Variants in EPHA4 observed in about 807,000 individuals in gnomAD.
The protein encoded by EPHA4 is EPH receptor A4, also known as ephrin type-A receptor 4.
A neutral mutation model predicts 108.3 loss-of-function variants in EPHA4; 19 were observed. The observed-to-expected ratio is 0.18, with a 90% CI of 0.12 to 0.26. The LOEUF (loss-of-function observed/expected upper bound fraction) is 0.26, where lower values mean the gene tolerates loss of function less well. Among genes scored for constraint, EPHA4 ranks in the 10% least tolerant of loss-of-function variants. EPHA4 has a pLI of 1.00. For synonymous variants in EPHA4, 449 were observed against 455.5 expected (o/e 0.99, Z 0.18); for missense variants, 917 against 1,254.0 (o/e 0.73, Z 4.06).
chr2:221,532,593 C>A (rs1693552965), intron 3 of EPHA4: 1 of 152,154 alleles, frequency 6.6e-6, no homozygotes. Context: ...CTTAAGGAAC[C>A]AACATTTTAG....
At chr2:221,426,802 G>A (rs1309968145) in intron 15 of EPHA4, among the ~76,000 whole-genome samples, 183 bp from the exon 16 acceptor site, 1 of 152,222 alleles carries the variant, frequency 6.6e-6, no homozygotes, top group Non-Finnish European at 1.5e-5. Flanking sequence ...AGCTGCTAAA[G>A]CATGTATCAA....
intron 3 of EPHA4, among the ~76,000 whole-genome samples, chr2:221,515,269 A>G (rs570102491): frequency 6.6e-6 from 1 of 152,056 alleles, no homozygotes; most frequent in African/African-American, 2.4e-5. Context: ...CTAATTTTGT[A>G]TTTTTAGTAG....
intron 3 of EPHA4, among the ~76,000 whole-genome samples, chr2:221,510,772 G>A (rs1017963776): frequency 1.3e-5 from 2 of 152,180 alleles, no homozygotes; most frequent in Non-Finnish European, 2.9e-5. Flanking sequence ...CTTGCCTTTA[G>A]AACAGATCAT....
intron 3 of EPHA4, among the ~76,000 whole-genome samples, chr2:221,502,060 C>A (rs1230348978): frequency 1.3e-5 from 2 of 152,066 alleles, no homozygotes; most frequent in Non-Finnish European, 2.9e-5. Context: ...CACCTGACAT[C>A]CTTTCCATGA....
At chr2:221,427,386 T>C (rs962789215) in intron 15 of EPHA4, among the ~76,000 whole-genome samples, 1 of 152,220 alleles carries the variant, frequency 6.6e-6, no homozygotes, top group Non-Finnish European at 1.5e-5. Context: ...TTCTATTAGG[T>C]CACTGTCACA....
At chr2:221,499,733 TA>T (rs1692416944) in intron 4 of EPHA4, among the ~76,000 whole-genome samples, 1 of 46,718 alleles carries the variant, frequency 2.1e-5, no homozygotes, top group African/African-American at 1.2e-4. Flanking sequence ...TATATATATA[TA>T]TATATATATA....
At chr2:221,547,533 G>T (rs1392791499) in intron 3 of EPHA4, among the ~76,000 whole-genome samples, 2 of 152,154 alleles carry the variant, frequency 1.3e-5, no homozygotes, top group Non-Finnish European at 2.9e-5. Flanking sequence ...CTTTGACAAG[G>T]TCTCCAGCCT....
intron 3 of EPHA4, among the ~76,000 whole-genome samples, chr2:221,542,854 T>C (rs1379680485): frequency 6.6e-6 from 1 of 152,204 alleles, no homozygotes; most frequent in African/African-American, 2.4e-5. Context: ...ATTGATTTTT[T>C]AGAATGAAAA....
chr2:221,460,227 A>T, intron 5 of EPHA4, among the ~76,000 whole-genome samples: 1 of 152,212 alleles, frequency 6.6e-6, no homozygotes, highest in East Asian at 1.9e-4. Flanking sequence ...ACCTTGACAC[A>T]GCTGTCATAA....
chr2:221,512,689 C>T (rs10498115), intron 3 of EPHA4, among the ~76,000 whole-genome samples: 15,327 of 152,246 alleles, frequency 0.1, 1,005 homozygotes, highest in Non-Finnish European at 0.13. Context: ...CGGGTCTATG[C>T]AGATTAGCGT....
At chr2:221,535,627 CT>C (rs55800139) in intron 3 of EPHA4, among the ~76,000 whole-genome samples, 16,606 of 152,078 alleles carry the variant, frequency 0.11, 1,103 homozygotes, top group East Asian at 0.15. Flanking sequence ...TTATTTTCTC[CT>C]TTTGTTCAAA....
chr2:221,559,145 C>T (rs192500681), intron 3 of EPHA4, among the ~76,000 whole-genome samples: 18 of 152,232 alleles, frequency 1.2e-4, no homozygotes, highest in African/African-American at 3.1e-4. Context: ...GCTTTTAATA[C>T]GATACCTTTT....
At position 221,418,872 on chromosome 2, in the gene EPHA4, T is replaced by G. The variant is rs1055958167; in HGVS notation, c.*2500A>C. ...AGTCAACCTCATTTCTTTATACATA[T>G]TTTTCAGGCATCAATGCATAGGCAC... On this transcript the variant is annotated 3_prime_UTR_variant, in exon 18 of 18. Coordinates refer to ENST00000281821, the MANE Select transcript of EPHA4 (RefSeq NM_004438.5). 6.6e-6 allele frequency: 1 copy of G among 152,614 alleles called. No homozygotes were observed. The highest frequency in any genetic ancestry group is 1.5e-5 in the Non-Finnish European group (1 of 68,048). The allele number at this position is 152,614 out of a possible 1,614,324, so 9.5% of individuals were successfully genotyped here. A position where few individuals can be genotyped will look rare whatever the true frequency, so the allele number is the denominator to read the frequency against.
At chr2:221,514,557 C>T (rs1692934623) in intron 3 of EPHA4, among the ~76,000 whole-genome samples, 1 of 152,082 alleles carries the variant, frequency 6.6e-6, no homozygotes, top group Admixed American at 6.6e-5. Context: ...ATTATTTGTC[C>T]CTTTCAAGTG....
chr2:221,483,862 G>A (rs1488862889), intron 4 of EPHA4, among the ~76,000 whole-genome samples: 1 of 152,092 alleles, frequency 6.6e-6, no homozygotes, highest in Non-Finnish European at 1.5e-5. Context: ...GAAGAATCAG[G>A]CTGGGAGAAG....
rs756771428 is a variant in EPHA4 at position 221,430,405 on chromosome 2, A to C, written c.2497-254T>G. Among the ~76,000 whole-genome samples, 96 of 152,176 alleles carry C rather than the reference A, an allele frequency of 6.3e-4. 1 individual carries two copies. Among genetic ancestry groups the C allele is most frequent in the Non-Finnish European group, 5.1e-4 (35 of 68,022 alleles). ...TTCTCAAGTGGCTAGAGCCCAGTCA[A>C]ATCCACAATGTGGTGTCAGTTTTGG... On this transcript the variant is annotated intron_variant, in intron 14 of 17. Transcript: ENST00000281821.
chr2:221,550,072 T>A (rs551064263), intron 3 of EPHA4, among the ~76,000 whole-genome samples: 3 of 152,304 alleles, frequency 2.0e-5, no homozygotes, highest in East Asian at 3.9e-4. Flanking sequence ...TCTTTGCTGT[T>A]CACCGTAAAA....
chr2:221,461,789 G>C (rs533079658), intron 5 of EPHA4, among the ~76,000 whole-genome samples: 5 of 152,118 alleles, frequency 3.3e-5, no homozygotes, highest in Non-Finnish European at 7.3e-5. Flanking sequence ...CTAATGTCAA[G>C]TCAGAGGGCC....
At chr2:221,567,389 G>C (rs1031893549) in intron 2 of EPHA4, among the ~76,000 whole-genome samples, 2 of 152,254 alleles carry the variant, frequency 1.3e-5, no homozygotes, top group Middle Eastern at 3.4e-3. Flanking sequence ...CCAAGATAAA[G>C]CCGTACCTTT....
Sources: gnomAD v4.1 joint callset for allele counts (sites outside exome capture counted in the v4.1 genomes callset) on GRCh38, gnomAD v4.1.1 for gene constraint, MANE v1.5 for transcripts, NCBI Gene and HGNC (gene_info 2026-07-23, HGNC 2026-07-21) for gene names.